TRIM67: variants seen among roughly 807,000 people sequenced by gnomAD.
TRIM67 encodes the protein tripartite motif containing 67.
In TRIM67, 39 loss-of-function variants were observed where a neutral mutation model predicts 71.0. The observed-to-expected ratio is 0.55, with a 90% CI of 0.43 to 0.72. The LOEUF (loss-of-function observed/expected upper bound fraction) is 0.72. TRIM67 is among the 30% of genes least tolerant of loss of function. The probability of loss-of-function intolerance (pLI) is 0.00; values close to 1 mark genes in which losing one functional copy is unlikely to be tolerated. For synonymous variants in TRIM67, 481 were observed against 473.9 expected (o/e 1.01, Z -0.19); for missense variants, 973 against 1,079.2 (o/e 0.90, Z 1.38).
In TRIM67 at chr1:231,216,309, C is replaced by A. The variant is rs1471101313; in HGVS notation, c.*869C>A. The A allele has an allele frequency of 1.0e-6, 1 of 985,188 alleles. No homozygotes were observed. Among genetic ancestry groups the A allele is most frequent in the African/African-American group, 1.7e-5 (1 of 57,208 alleles). The allele number at this position is 985,188 out of a possible 1,614,324, so 61.0% of individuals were successfully genotyped here. On this transcript the variant is annotated 3_prime_UTR_variant, in exon 10 of 10. Transcript: ENST00000366653. ...TCTCTCTCTCTCACACACACACAGG[C>A]ATGACAGTCTCCTAAAATTAATTCA...
At chr1:231,188,969 C>T (rs934669079) in intron 1 of TRIM67, among the ~76,000 whole-genome samples, 18 of 152,132 alleles carry the variant, frequency 1.2e-4, no homozygotes, top group African/African-American at 4.3e-4. Context: ...CTGGCCTCAG[C>T]GGGTGGATCT....
chr1:231,198,218 G>A (rs1051981335), intron 2 of TRIM67, among the ~76,000 whole-genome samples: 2 of 152,214 alleles, frequency 1.3e-5, no homozygotes. Context: ...GCTGTGTCAT[G>A]TACTGAGCCC....
chr1:231,206,881 G>T (rs1683717326), intron 7 of TRIM67, 91 bp downstream of exon 7: 6 of 1,387,336 alleles, frequency 4.3e-6, no homozygotes, highest in Admixed American at 2.3e-5. Flanking sequence ...ATGATGATGG[G>T]GTAGGGGTGG....
intron 1 of TRIM67, among the ~76,000 whole-genome samples, chr1:231,190,300 G>A (rs540706789): frequency 2.6e-5 from 4 of 152,270 alleles, no homozygotes; most frequent in African/African-American, 9.6e-5. Context: ...TTGAAGCACT[G>A]AACAGAACAT....
rs372636108 is a variant in TRIM67, at chr1:231,204,898, A to C, written c.1680+886A>C. ...GTTTGAAAAATACAGGAATGTAAGAATTATGGAAATAATTGCAGCACTTCC... is the reference window on the plus strand; with the variant it reads ...GTTTGAAAAATACAGGAATGTAAGACTTATGGAAATAATTGCAGCACTTCC... On this transcript the variant is annotated intron_variant, in intron 6 of 9. Coordinates refer to ENST00000366653, the MANE Select transcript of TRIM67 (RefSeq NM_001004342.5). Among the ~76,000 whole-genome samples the C allele has an allele frequency of 5.9e-5, 9 of 152,338 alleles. No homozygotes were observed. The South Asian group carries it at 1.9e-3, about 32-fold the overall frequency.
rs1468455748 is a variant in TRIM67, at chr1:231,163,146, G to T, written c.177G>T (p.Ala59=). Residue 59 remains alanine (A), a synonymous_variant, in exon 1 of 10, where the codon GCG becomes GCT. Transcript: ENST00000366653. Reference sequence around the variant, plus strand: ...TTTCCCGGGGATCGGGGCTGCAGGCGGGCGCCGCCGCCGCTGCCTCTCTGG... The same window carrying T: ...TTTCCCGGGGATCGGGGCTGCAGGCTGGCGCCGCCGCCGCTGCCTCTCTGG... ...LLLSRGSGLQ[A]GAAAAASLEH... is the part of the protein sequence containing the mutation. 3 of 1,514,268 alleles carry T rather than the reference G, an allele frequency of 2.0e-6. No homozygotes were observed. Among genetic ancestry groups the T allele is most frequent in the Non-Finnish European group, 8.8e-7 (1 of 1,130,278 alleles). 93.8% of individuals were successfully genotyped at this position (1,514,268 alleles called of 1,614,324 possible).
chr1:231,210,242 C>A (rs1417514952), intron 8 of TRIM67, among the ~76,000 whole-genome samples: 1 of 152,154 alleles, frequency 6.6e-6, no homozygotes, highest in Non-Finnish European at 1.5e-5. Flanking sequence ...ACCTTGACTT[C>A]GCTGGGCCCC....
chr1:231,206,661 G>T lies in TRIM67; in HGVS notation c.1690G>T (p.Val564Phe), dbSNP rs771442314. ...CATTGCTCTCTTTCAGGAAGTGTAC[G>T]TCGGTAAGGAGACTTTGTGTACCAT... ...GAGGQFREVY[V>F]GKETLCTIDG... Residue 564 changes from valine to phenylalanine, a missense_variant, in exon 7 of 10, where the codon GTC becomes TTC. Transcript: ENST00000366653. 3 of 1,602,144 alleles carry T rather than the reference G, an allele frequency of 1.9e-6. No individual in the cohort carries two copies. The highest frequency in any genetic ancestry group is 2.7e-5 in the African/African-American group (2 of 74,482).
At chr1:231,206,167 C>G (rs1683689263) in intron 6 of TRIM67, among the ~76,000 whole-genome samples, 1 of 151,992 alleles carries the variant, frequency 6.6e-6, no homozygotes, top group Non-Finnish European at 1.5e-5. Flanking sequence ...GTTGCTCACA[C>G]CTGTAATCCC....
In TRIM67 at chr1:231,218,612, AAAT is replaced by A. The variant is rs1338270785; in HGVS notation, c.*3176_*3178del. ...TTTCCTCTCTCTGTTCTCCTTGGGA[AAAT>A]AATGATTCCAATTAAAGAGGACACC... On this transcript the variant is annotated 3_prime_UTR_variant, in exon 10 of 10. Transcript: ENST00000366653. 1.0e-6 allele frequency: 1 copy of A among 985,376 alleles called. No individual in the cohort carries two copies. The highest frequency in any genetic ancestry group is 1.2e-6 in the Non-Finnish European group (1 of 829,958). The allele number at this position is 985,376 out of a possible 1,614,324, so 61.0% of individuals were successfully genotyped here. A position where few individuals can be genotyped will look rare whatever the true frequency, so the allele number is the denominator to read the frequency against.
In TRIM67 at chr1:231,200,190, C is replaced by G. The variant is rs764154498; in HGVS notation, c.1306C>G (p.Gln436Glu). The change falls in exon 4 of 10, where the codon CAG becomes GAG. Residue 436 changes from glutamine (Q) to glutamate (E), a missense_variant. By Grantham distance (29) the Gln-to-Glu change is conservative. Around this residue, in one of 2 missense-constraint regions of TRIM67, gnomAD observed 795 missense variants for 831.3 expected, o/e 0.96. Transcript: ENST00000366653. ...CAATCACTGCACATTGAAGCTGCGT[C>G]AGTCCACCGGACTGATGGAGTACTG... ...QINHCTLKLR[Q>E]STGLMEYCLE... is the part of the protein sequence containing the mutation. 1 of 1,613,970 alleles carries G rather than the reference C, an allele frequency of 6.2e-7. No individual in the cohort carries two copies. The highest frequency in any genetic ancestry group is 8.5e-7 in the Non-Finnish European group (1 of 1,179,866).
In TRIM67 at chr1:231,219,895, C is replaced by T. The variant is rs1249705881; in HGVS notation, c.*4455C>T. On this transcript the variant is annotated 3_prime_UTR_variant, in exon 10 of 10. Transcript: ENST00000366653. ...GCTGTAAAAATATGAGGGCAGGTTT[C>T]GGGCAGGATGTATTGATCAGACACC... 1.5e-5 allele frequency: 19 copies of T among 1,289,734 alleles called. No homozygotes were observed. Among genetic ancestry groups the T allele is most frequent in the Admixed American group, 4.6e-5 (2 of 43,516 alleles). The allele number at this position is 1,289,734 out of a possible 1,614,324, so 79.9% of individuals were successfully genotyped here.
intron 1 of TRIM67, 53 bp downstream of exon 1, chr1:231,164,066 A>G: frequency 7.0e-7 from 1 of 1,419,244 alleles, no homozygotes; most frequent in Non-Finnish European, 9.3e-7. Context: ...GTACGAGGAG[A>G]AAGGCTTTTG....
chr1:231,207,124 CA>C (rs1553327963), intron 7 of TRIM67, among the ~76,000 whole-genome samples: 4 of 152,186 alleles, frequency 2.6e-5, no homozygotes, highest in Non-Finnish European at 1.5e-5. Context: ...GCTGCACCCA[CA>C]TGGCCTACAA....
intron 8 of TRIM67, among the ~76,000 whole-genome samples, chr1:231,212,137 C>A (rs1345913174): frequency 6.6e-6 from 1 of 152,060 alleles, no homozygotes; most frequent in African/African-American, 2.4e-5. Context: ...AATAATTCTA[C>A]AGAAGTAAAA....
chr1:231,202,166 A>AG (rs1571896322), intron 5 of TRIM67, among the ~76,000 whole-genome samples: 3 of 2,318 alleles, frequency 1.3e-3, no homozygotes, highest in South Asian at 0.01. Flanking sequence ...AGGAGGAGGT[A>AG]GTGGAGGAGG....
chr1:231,181,717 C>T (rs1682911769), intron 1 of TRIM67, among the ~76,000 whole-genome samples: 2 of 151,952 alleles, frequency 1.3e-5, no homozygotes, highest in Non-Finnish European at 2.9e-5. Flanking sequence ...TTTTGCTTGA[C>T]TCCCTGAGCT....
At position 231,166,365 on chromosome 1, in the gene TRIM67, A is replaced by G. The variant is rs571519769; in HGVS notation, c.1044+2352A>G. ...CATTTCACCTGGGGGCTGGCAATCA[A>G]AAGAAATGATCAATGGGAGAGCCTT... On this transcript the variant is annotated intron_variant, in intron 1 of 9. Transcript: ENST00000366653. Among the ~76,000 whole-genome samples, 21 of 152,352 alleles carry G rather than the reference A, an allele frequency of 1.4e-4. No homozygotes were observed. The Middle Eastern group carries it at 0.01, about 74-fold the overall frequency.
Position 231,195,580 on chromosome 1 carries a change from T to A in TRIM67, c.1045-1791T>A, listed in dbSNP as rs150236880. Among the ~76,000 whole-genome samples the A allele has an allele frequency of 7.0e-4, 107 of 152,352 alleles. No individual in the cohort carries two copies. The East Asian group carries it at 0.015, about 21-fold the overall frequency. On this transcript the variant is annotated intron_variant, in intron 1 of 9. Transcript: ENST00000366653. ...GCTGCACCTCCGCTGATCCTTAGCC[T>A]AAGGCTCCTGCTCTCTCTGAGCAGA...
Sources: gnomAD v4.1 joint callset for allele counts (sites outside exome capture counted in the v4.1 genomes callset) on GRCh38, gnomAD v4.1.1 for gene constraint, gnomAD v4.1.1 regional missense constraint, MANE v1.5 for transcripts, NCBI Gene and HGNC (gene_info 2026-07-23, HGNC 2026-07-21) for gene names.